Variants in PAX3 observed in about 807,000 individuals in gnomAD.
PAX3 encodes paired box 3.
Under a neutral mutation model 51.6 loss-of-function variants are expected in PAX3, and 14 were observed. That is an observed-to-expected ratio of 0.27 (90% CI 0.18 to 0.42). PAX3 has a LOEUF of 0.42. Among genes scored for constraint, PAX3 ranks in the 10% least tolerant of loss-of-function variants. PAX3 has a pLI of 1.00. For synonymous variants in PAX3, 280 were observed against 253.4 expected (o/e 1.11, Z -1.00); for missense variants, 540 against 642.8 (o/e 0.84, Z 1.73).
Position 222,294,149 on chromosome 2 carries a change from C to T in PAX3, c.586+18G>A, listed in dbSNP as rs200362915. 1.2e-6 allele frequency: 2 copies of T among 1,614,072 alleles called. No individual in the cohort carries two copies. Among genetic ancestry groups the T allele is most frequent in the East Asian group, 2.2e-5 (1 of 44,876 alleles). On this transcript the variant is annotated intron_variant, in intron 4 of 8. Transcript: ENST00000392070. ...CAAGTCACCCAGCAAGTGCGCCGCC[C>T]AAGGCGCCACCGCTTACCTCGCTCG...
At chr2:222,235,934 T>G (rs1692782950) in intron 4 of PAX3, among the ~76,000 whole-genome samples, 1 of 152,188 alleles carries the variant, frequency 6.6e-6, no homozygotes, top group African/African-American at 2.4e-5. Context: ...AAAACCACCA[T>G]ATAGCATAAT....
chr2:222,210,548 C>G (rs191756650), intron 7 of PAX3, among the ~76,000 whole-genome samples: 2 of 152,220 alleles, frequency 1.3e-5, no homozygotes, highest in African/African-American at 4.8e-5. Flanking sequence ...GACCCTCTCC[C>G]CTCCCTGCTC....
chr2:222,291,473 T>G (rs1204098215), intron 4 of PAX3, among the ~76,000 whole-genome samples: 1 of 152,122 alleles, frequency 6.6e-6, no homozygotes. Flanking sequence ...AAGGGAAAGT[T>G]GGGAAAGTTA....
chr2:222,251,203 A>G (rs945229077), intron 4 of PAX3, among the ~76,000 whole-genome samples: 4 of 152,192 alleles, frequency 2.6e-5, no homozygotes, highest in Non-Finnish European at 5.9e-5. Flanking sequence ...TGCTGCACCC[A>G]TTAACTCTTC....
Position 222,298,681 on chromosome 2 carries a change from C to A in PAX3, c.-66G>T. 3.5e-6 allele frequency: 5 copies of A among 1,443,566 alleles called. No homozygotes were observed. The highest frequency in any genetic ancestry group is 4.8e-6 in the Non-Finnish European group (5 of 1,048,950). The allele number at this position is 1,443,566 out of a possible 1,614,324, so 89.4% of individuals were successfully genotyped here. A position where few individuals can be genotyped will look rare whatever the true frequency, so the allele number is the denominator to read the frequency against. ...GCGAAACGGAAAGGCGAGTGCGGCG[C>A]GGATGACCCTCGGGAACTATCCGGA... On this transcript the variant is annotated 5_prime_UTR_variant, in exon 1 of 9. Coordinates refer to ENST00000392070, the MANE Select transcript of PAX3 (RefSeq NM_181458.4).
At chr2:222,215,877 C>A (rs1255994811) in intron 7 of PAX3, among the ~76,000 whole-genome samples, 1 of 152,132 alleles carries the variant, frequency 6.6e-6, no homozygotes, top group African/African-American at 2.4e-5. Context: ...GAGTTAAATG[C>A]TTCCCTTCCC....
At chr2:222,294,109 C>T (rs771555296) in intron 4 of PAX3, 58 bp downstream of exon 4, 4 of 1,610,688 alleles carry the variant, frequency 2.5e-6, no homozygotes, top group African/African-American at 1.3e-5. Flanking sequence ...CCAATGTCAG[C>T]TAGCCGATGC....
chr2:222,231,752 C>T (rs961465675), intron 5 of PAX3, among the ~76,000 whole-genome samples: 1 of 152,180 alleles, frequency 6.6e-6, no homozygotes, highest in African/African-American at 2.4e-5. Flanking sequence ...ATGTGAAGCA[C>T]TTAAAATAGT....
intron 5 of PAX3, among the ~76,000 whole-genome samples, chr2:222,225,666 C>G (rs1016924191): frequency 6.6e-6 from 1 of 152,254 alleles, no homozygotes; most frequent in South Asian, 2.1e-4. Flanking sequence ...TCTCTGTTTT[C>G]CCATGTGCTA....
chr2:222,261,342 T>A (rs1693854103), intron 4 of PAX3, among the ~76,000 whole-genome samples: 1 of 152,174 alleles, frequency 6.6e-6, no homozygotes, highest in Non-Finnish European at 1.5e-5. Flanking sequence ...AATGCTCACA[T>A]TGACTTTTTA....
chr2:222,271,116 G>A (rs1286192123), intron 4 of PAX3, among the ~76,000 whole-genome samples: 1 of 152,130 alleles, frequency 6.6e-6, no homozygotes, highest in Non-Finnish European at 1.5e-5. Flanking sequence ...AAATATTATC[G>A]CCTACATTGA....
chr2:222,235,580 A>T (rs1331216821), intron 4 of PAX3, among the ~76,000 whole-genome samples: 2 of 151,836 alleles, frequency 1.3e-5, no homozygotes, highest in African/African-American at 4.8e-5. Flanking sequence ...GGGCTTTTTT[A>T]AAGATGAAAA....
intron 4 of PAX3, among the ~76,000 whole-genome samples, chr2:222,274,629 C>T (rs541054624): frequency 5.9e-5 from 9 of 151,370 alleles, no homozygotes; most frequent in African/African-American, 1.9e-4. Context: ...TATGTATTTT[C>T]GCATTCCCTA....
At chr2:222,275,977 A>G (rs952005852) in intron 4 of PAX3, among the ~76,000 whole-genome samples, 2 of 152,254 alleles carry the variant, frequency 1.3e-5, no homozygotes, top group Non-Finnish European at 2.9e-5. Context: ...TTAATTTAAG[A>G]TATGACTTAG....
intron 5 of PAX3, among the ~76,000 whole-genome samples, chr2:222,230,599 G>A (rs566710408): frequency 6.6e-6 from 1 of 152,148 alleles, no homozygotes; most frequent in Admixed American, 6.5e-5. Context: ...GCTCATACCT[G>A]TAATCCCAGC....
Position 222,201,051 on chromosome 2 carries a change from A to ACACG in PAX3, c.*353_*356dup, listed in dbSNP as rs1356392010. On this transcript the variant is annotated 3_prime_UTR_variant, in exon 9 of 9. Coordinates refer to ENST00000392070, the MANE Select transcript of PAX3 (RefSeq NM_181458.4). Reference sequence around the variant, plus strand: ...AATCTCAATACACACACACACACACACACGCACGCACGCACACAAGCAAAT... The same window carrying ACACG: ...AATCTCAATACACACACACACACACACACGCACGCACGCACGCACACAAGCAAAT... 8 of 983,648 alleles carry ACACG rather than the reference A, an allele frequency of 8.1e-6. No homozygotes were observed. Among genetic ancestry groups the ACACG allele is most frequent in the South Asian group, 4.4e-5 (3 of 68,068 alleles). 60.9% of individuals were successfully genotyped at this position (983,648 alleles called of 1,614,324 possible). A position where few individuals can be genotyped will look rare whatever the true frequency, so the allele number is the denominator to read the frequency against.
chr2:222,220,409 G>A, intron 6 of PAX3, 55 bp from the exon 7 acceptor site: 2 of 1,563,104 alleles, frequency 1.3e-6, no homozygotes, highest in South Asian at 2.2e-5. Context: ...AGCAGAGAAA[G>A]TTCAGTGCAA....
intron 4 of PAX3, among the ~76,000 whole-genome samples, chr2:222,274,456 A>G (rs979836230): frequency 4.0e-5 from 6 of 148,808 alleles, no homozygotes; most frequent in African/African-American, 1.4e-4. Context: ...TCAACGCTGT[A>G]GAGTTAACGT....
At chr2:222,292,697 G>T (rs1228183685) in intron 4 of PAX3, among the ~76,000 whole-genome samples, 2 of 152,190 alleles carry the variant, frequency 1.3e-5, no homozygotes, top group Non-Finnish European at 2.9e-5. Flanking sequence ...CTATTCTGCA[G>T]CTAGGCCTGG....
Sources: gnomAD v4.1 joint callset for allele counts (sites outside exome capture counted in the v4.1 genomes callset) on GRCh38, gnomAD v4.1.1 for gene constraint, MANE v1.5 for transcripts, NCBI Gene and HGNC (gene_info 2026-07-23, HGNC 2026-07-21) for gene names.